Variants in URI1 observed in about 807,000 individuals in gnomAD.
URI1 encodes the protein unconventional prefoldin RPB5 interactor 1.
A neutral mutation model predicts 60.2 loss-of-function variants in URI1; 39 were observed. The observed-to-expected ratio is 0.65, with a 90% CI of 0.50 to 0.85. The LOEUF is 0.85. Ranked by LOEUF, URI1 falls within the 40% of genes least tolerant of loss-of-function variation. The pLI is 0.00. For missense variants in URI1, 691 were observed against 665.9 expected, an observed-to-expected ratio of 1.04 and a Z score of -0.42; for synonymous variants, 251 against 236.8, an observed-to-expected ratio of 1.06 and a Z score of -0.55.
chr19:30,005,489 A>G (rs2055930424), intron 5 of URI1, 37 bp downstream of exon 5: 1 of 1,521,442 alleles, frequency 6.6e-7, no homozygotes, highest in Non-Finnish European at 8.9e-7. Context: ...ATTTTTAGAA[A>G]ATATTTTCAA....
chr19:29,986,546 T>C, intron 4 of URI1, 129 bp downstream of exon 4: 2 of 1,205,318 alleles, frequency 1.7e-6, no homozygotes, highest in South Asian at 1.5e-5. Flanking sequence ...TGTGATTCTG[T>C]TGAATTGTAG....
At chr19:30,010,777 C>G (rs2056007260) in intron 8 of URI1, among the ~76,000 whole-genome samples, 1 of 152,190 alleles carries the variant, frequency 6.6e-6, no homozygotes, top group Admixed American at 6.5e-5. Flanking sequence ...AAGCCAAACA[C>G]TTATATCAAA....
At position 30,012,445 on chromosome 19, in the gene URI1, A is replaced by G. The variant is rs770601535; in HGVS notation, c.1339A>G (p.Thr447Ala). ...GAGGAGTATCAGCTGCGAAGAAGCC[A>G]CTTGCAGTGACACCAGTGAGAGCAT... ...VLRSISCEEA[T>A]CSDTSESILE... Residue 447 changes from threonine to alanine, a missense_variant, in exon 10 of 11, where the codon ACT (threonine) becomes GCT (alanine). Thr to Ala is a moderately conservative substitution (Grantham distance 58, BLOSUM62 0). Transcript: ENST00000392271. The G allele has an allele frequency of 1.2e-6, 2 of 1,614,206 alleles. No homozygotes were observed. Among genetic ancestry groups the G allele is most frequent in the East Asian group, 4.5e-5 (2 of 44,882 alleles).
chr19:29,986,220 T>C, intron 3 of URI1, 62 bp from the exon 4 acceptor site: 1 of 1,450,052 alleles, frequency 6.9e-7, no homozygotes, highest in Non-Finnish European at 9.1e-7. Context: ...CGAAGTGTTT[T>C]ATAAAATGTA....
At position 30,009,216 on chromosome 19, in the gene URI1, GAT is replaced by G. The variant is rs1491068476; in HGVS notation, c.899_900del (p.Asp300GlyfsTer2). On this transcript the variant is annotated frameshift_variant, in exon 8 of 11. Transcript: ENST00000392271. LOFTEE classifies it high-confidence loss of function. ...VNGSSSYHSDDDDDDDDDDDD... is the reference protein window; with the variant it reads ...VNGSSSYHSDXDDDDDDDDDD... ...TGGTTCCAGTTCTTACCACAGTGAT[GAT>G]GATGATGATGATGATGATGACGACG... 4.4e-5 allele frequency: 42 copies of G among 965,518 alleles called. No homozygotes were observed. Among genetic ancestry groups the G allele is most frequent in the Non-Finnish European group, 5.3e-5 (37 of 694,136 alleles). The allele number at this position is 965,518 out of a possible 1,614,324, so 59.8% of individuals were successfully genotyped here. A position where few individuals can be genotyped will look rare whatever the true frequency, so the allele number is the denominator to read the frequency against.
intron 4 of URI1, among the ~76,000 whole-genome samples, chr19:29,996,978 C>A (rs960611781): frequency 6.6e-6 from 1 of 152,080 alleles, no homozygotes; most frequent in African/African-American, 2.4e-5. Flanking sequence ...CATGATGTAT[C>A]ATTCTTTTAA....
chr19:29,976,647 A>G (rs1401079644), intron 2 of URI1, among the ~76,000 whole-genome samples: 2 of 152,208 alleles, frequency 1.3e-5, no homozygotes, highest in Admixed American at 1.3e-4. Flanking sequence ...CACACACAAA[A>G]AGGAAGTCTC....
Position 29,965,523 on chromosome 19 carries a change from T to C in URI1, c.118-5670T>C, listed in dbSNP as rs562570554. ...TCATTGTTGACAAAACTGGAACTTATATGGGTGAGGCATTTATTACATTTT... is the reference window on the plus strand; with the variant it reads ...TCATTGTTGACAAAACTGGAACTTACATGGGTGAGGCATTTATTACATTTT... On this transcript the variant is annotated intron_variant, in intron 1 of 10. Transcript: ENST00000392271. 3.3e-5 allele frequency among the ~76,000 whole-genome samples: 5 copies of C among 152,344 alleles called. No individual in the cohort carries two copies. The East Asian group carries it at 7.7e-4, about 23-fold the overall frequency.
At chr19:29,963,146 A>G (rs1165742807) in intron 1 of URI1, among the ~76,000 whole-genome samples, 4 of 152,278 alleles carry the variant, frequency 2.6e-5, no homozygotes, top group South Asian at 2.1e-4. Flanking sequence ...TCTTCAGTCT[A>G]TCGGCTGATA....
chr19:29,940,021 A>G (rs986617562), upstream of URI1, among the ~76,000 whole-genome samples: 4 of 152,168 alleles, frequency 2.6e-5, no homozygotes, highest in Non-Finnish European at 5.9e-5. Flanking sequence ...TGAGTGGATA[A>G]TAGTTTAGAG....
chr19:29,929,483 G>A (rs996719908), intron 1 of URI1, among the ~76,000 whole-genome samples: 1 of 152,132 alleles, frequency 6.6e-6, no homozygotes, highest in African/African-American at 2.4e-5. Context: ...TGTAATCCCA[G>A]CTACTTGGGA....
chr19:29,958,664 T>C (rs1184266847), intron 1 of URI1, among the ~76,000 whole-genome samples: 1 of 152,104 alleles, frequency 6.6e-6, no homozygotes. Flanking sequence ...TTTTCTTTTT[T>C]TTTGATTAAC....
chr19:29,980,604 T>C (rs1408505648), intron 2 of URI1, among the ~76,000 whole-genome samples: 18 of 124,246 alleles, frequency 1.4e-4, no homozygotes, highest in African/African-American at 5.5e-4. Flanking sequence ...ATAGAAGATT[T>C]TTTTTCTTAA....
At chr19:30,009,426 G>A (rs1203101467) in intron 8 of URI1, 73 bp downstream of exon 8, 6 of 1,332,438 alleles carry the variant, frequency 4.5e-6, no homozygotes, top group Non-Finnish European at 6.3e-6. Flanking sequence ...TTTTAGAAGA[G>A]CAATATTAAC....
At chr19:29,979,164 GCA>G (rs1370418193) in intron 2 of URI1, among the ~76,000 whole-genome samples, 1 of 152,130 alleles carries the variant, frequency 6.6e-6, no homozygotes, top group African/African-American at 2.4e-5. Context: ...GTAGAAATTT[GCA>G]CAAACTTTCA....
intron 1 of URI1, among the ~76,000 whole-genome samples, chr19:29,955,840 C>A (rs2055239095): frequency 6.6e-6 from 1 of 151,980 alleles, no homozygotes; most frequent in African/African-American, 2.4e-5. Flanking sequence ...ATGTGCCCTC[C>A]TTGGCCCCCC....
At chr19:29,967,405 C>G (rs1316744603) in intron 1 of URI1, among the ~76,000 whole-genome samples, 4 of 152,152 alleles carry the variant, frequency 2.6e-5, no homozygotes, top group Non-Finnish European at 5.9e-5. Context: ...GCACATTACC[C>G]TTCTACCTTC....
At chr19:29,956,307 A>G in intron 1 of URI1, 1 of 522,022 alleles carries the variant, frequency 1.9e-6, no homozygotes, top group Non-Finnish European at 2.9e-6. Context: ...TTTTTTTTTA[A>G]GAAGGTCCAA....
At chr19:30,008,603 G>A (rs1009370720) in intron 7 of URI1, among the ~76,000 whole-genome samples, 1 of 151,900 alleles carries the variant, frequency 6.6e-6, no homozygotes, top group African/African-American at 2.4e-5. Flanking sequence ...AATAATACAT[G>A]CTCATTGTAA....
Sources: allele counts gnomAD v4.1 joint callset (sites outside exome capture counted in the v4.1 genomes callset), GRCh38; gene constraint gnomAD v4.1.1; transcripts MANE v1.5; gene names NCBI Gene and HGNC (gene_info 2026-07-23, HGNC 2026-07-21).